GRIN2B: variants seen among roughly 807,000 people sequenced by gnomAD.
The protein encoded by GRIN2B is glutamate ionotropic receptor NMDA type subunit 2B.
GRIN2B carries 5 observed loss-of-function variants against 114.5 expected under a neutral mutation model. The ratio of observed to expected loss-of-function variants is 0.04; its 90% confidence interval spans 0.02 to 0.09. GRIN2B has a LOEUF of 0.09. Among genes scored for constraint, GRIN2B ranks in the 10% least tolerant of loss-of-function variants. The pLI is 1.00. For missense variants in GRIN2B, 1,108 were observed against 1,943.5 expected, an observed-to-expected ratio of 0.57 and a Z score of 8.08; for synonymous variants, 787 against 745.1, an observed-to-expected ratio of 1.06 and a Z score of -0.92.
In GRIN2B at chr12:13,559,213, C is replaced by G. The variant is rs1264040317; in HGVS notation, c.*3570G>C. The G allele has an allele frequency of 6.6e-6, 1 of 152,174 alleles. No homozygotes were observed. Among genetic ancestry groups the G allele is most frequent in the African/African-American group, 2.4e-5 (1 of 41,442 alleles). 9.4% of individuals were successfully genotyped at this position (152,174 alleles called of 1,614,324 possible). The stretch of plus-strand genomic sequence containing the variant: ...CTTTCTTTAAGTTTTCTTAAGCAGA[C>G]CATGAGTAACTTAGTCCCAGTGCAA... On this transcript the variant is annotated 3_prime_UTR_variant, in exon 14 of 14. Coordinates refer to ENST00000609686, the MANE Select transcript of GRIN2B (RefSeq NM_000834.5).
intron 3 of GRIN2B, among the ~76,000 whole-genome samples, chr12:13,813,398 G>A (rs1038607121): frequency 6.6e-6 from 1 of 152,178 alleles, no homozygotes; most frequent in African/African-American, 2.4e-5. Flanking sequence ...ATGTGAATAT[G>A]TTGTAAATTC....
intron 3 of GRIN2B, among the ~76,000 whole-genome samples, chr12:13,798,196 A>G (rs1434941630): frequency 6.6e-6 from 1 of 152,220 alleles, no homozygotes; most frequent in Non-Finnish European, 1.5e-5. Context: ...TCTCTACTAA[A>G]ATACTAAAAT....
At chr12:13,887,993 G>C (rs969305555) in intron 2 of GRIN2B, among the ~76,000 whole-genome samples, 1 of 152,174 alleles carries the variant, frequency 6.6e-6, no homozygotes, top group Non-Finnish European at 1.5e-5. Flanking sequence ...CTACAAGCCT[G>C]TTGGCTCCTC....
intron 4 of GRIN2B, among the ~76,000 whole-genome samples, chr12:13,688,954 C>G (rs895276617): frequency 4.6e-5 from 7 of 152,202 alleles, no homozygotes; most frequent in African/African-American, 7.2e-5. Context: ...TTTGAAATTG[C>G]TTTCTGTCTA....
intron 4 of GRIN2B, among the ~76,000 whole-genome samples, chr12:13,717,681 A>G (rs2136588662): frequency 6.6e-6 from 1 of 152,084 alleles, no homozygotes; most frequent in Admixed American, 6.6e-5. Context: ...AGGATTACCT[A>G]TCCCTTCCCC....
At chr12:13,967,788 C>T (rs1469499775) in intron 2 of GRIN2B, among the ~76,000 whole-genome samples, 1 of 152,086 alleles carries the variant, frequency 6.6e-6, no homozygotes, top group Non-Finnish European at 1.5e-5. Flanking sequence ...ACAGGAAGAC[C>T]TGGAGCTGAG....
intron 2 of GRIN2B, among the ~76,000 whole-genome samples, chr12:13,958,858 T>C (rs1202286198): frequency 6.6e-6 from 1 of 152,120 alleles, no homozygotes; most frequent in African/African-American, 2.4e-5. Context: ...AAGTCCCGCC[T>C]TGGCTTTGAG....
In GRIN2B at chr12:13,562,838, C is replaced by G. The variant is rs200127692; in HGVS notation, c.4400G>C (p.Gly1467Ala). Residue 1467 changes from glycine (G) to alanine (A), a missense_variant, in exon 14 of 14, where the codon GGC (glycine) becomes GCC (alanine). This residue lies in a region of GRIN2B where 478 missense variants were observed against 506.0 expected (regional missense o/e 0.94). Coordinates refer to ENST00000609686, the MANE Select transcript of GRIN2B (RefSeq NM_000834.5). ...CTCATAAACATGCCCATTGCTGGAG[C>G]CATTGAAAGCCCTGGGGTTTTTGTT... is the stretch of plus-strand genomic sequence containing the variant. ...PNNKNPRAFNGSSNGHVYEKL... is the reference protein window; with the variant it reads ...PNNKNPRAFNASSNGHVYEKL... 3.7e-6 allele frequency: 6 copies of G among 1,614,020 alleles called. No homozygotes were observed. Among genetic ancestry groups the G allele is most frequent in the Non-Finnish European group, 5.1e-6 (6 of 1,179,978 alleles).
Position 13,672,724 on chromosome 12 carries a change from CTATTA to C in GRIN2B, c.1125+3016_1125+3020del, listed in dbSNP as rs1950034632. ...TGAGTCGATATGAAAATGTTCTATT[CTATTA>C]TCTCAACCCCTCCCAAATGCCCTAC... On this transcript the variant is annotated intron_variant, in intron 5 of 13. Coordinates refer to ENST00000609686, the MANE Select transcript of GRIN2B (RefSeq NM_000834.5). 2.0e-5 allele frequency among the ~76,000 whole-genome samples: 3 copies of C among 152,112 alleles called. No individual in the cohort carries two copies. The South Asian group carries it at 6.2e-4, about 32-fold the overall frequency.
chr12:13,719,567 G>GA (rs1337620672), intron 4 of GRIN2B, among the ~76,000 whole-genome samples: 1 of 152,030 alleles, frequency 6.6e-6, no homozygotes, highest in East Asian at 1.9e-4. Flanking sequence ...CTGAATAGGA[G>GA]ACCATCACAG....
At position 13,552,042 on chromosome 12, in the gene GRIN2B, C is replaced by T. The variant is rs1345153633; in HGVS notation, c.*10741G>A. The T allele has an allele frequency of 6.6e-6, 1 of 152,148 alleles. No individual in the cohort carries two copies. Among genetic ancestry groups the T allele is most frequent in the Admixed American group, 6.5e-5 (1 of 15,282 alleles). The allele number at this position is 152,148 out of a possible 1,614,324, so 9.4% of individuals were successfully genotyped here. On this transcript the variant is annotated 3_prime_UTR_variant, in exon 14 of 14. Transcript: ENST00000609686. ...AGGAGCAGGCAGCTCAACAAATTCG[C>T]ATTCCTGTGGCCCCTTCCCCTGATG...
chr12:13,736,593 C>T (rs1448813921), intron 4 of GRIN2B, among the ~76,000 whole-genome samples: 2 of 152,046 alleles, frequency 1.3e-5, no homozygotes, highest in African/African-American at 2.4e-5. Context: ...CGTCTATTTA[C>T]TTTCAAATAA....
chr12:13,871,900 A>C (rs1299790585), intron 2 of GRIN2B, among the ~76,000 whole-genome samples: 1 of 152,130 alleles, frequency 6.6e-6, no homozygotes, highest in African/African-American at 2.4e-5. Flanking sequence ...TAAGTTTTAG[A>C]AATTTTAGAA....
At chr12:13,899,706 A>G (rs1866411356) in intron 2 of GRIN2B, among the ~76,000 whole-genome samples, 1 of 144,378 alleles carries the variant, frequency 6.9e-6, no homozygotes, top group African/African-American at 2.4e-5. Flanking sequence ...AGCATACACA[A>G]AGAAGAGCAT....
chr12:13,910,495 A>G lies in GRIN2B; in HGVS notation c.-18-44269T>C, dbSNP rs559584977. ...AAAGAAGGTGCAGCCCCTCCTGTCC[A>G]TAGCTAATCCTTTGACGCAAGTCCT... On this transcript the variant is annotated intron_variant, in intron 2 of 13. Transcript: ENST00000609686. 8.0e-4 allele frequency among the ~76,000 whole-genome samples: 122 copies of G among 152,302 alleles called. 1 individual carries two copies. The highest frequency in any genetic ancestry group is 3.4e-3 in the Middle Eastern group (1 of 294).
chr12:13,828,793 A>C (rs2160733), intron 3 of GRIN2B, among the ~76,000 whole-genome samples: 23,962 of 152,156 alleles, frequency 0.16, 2,422 homozygotes, highest in Non-Finnish European at 0.22. Context: ...TGGAAGTGAA[A>C]GTATCACAAT....
chr12:13,904,795 G>A (rs996587990), intron 2 of GRIN2B, among the ~76,000 whole-genome samples: 2 of 151,924 alleles, frequency 1.3e-5, no homozygotes, highest in Non-Finnish European at 2.9e-5. Context: ...TGTTGTTCTT[G>A]AGAAGTCAGG....
At chr12:13,920,913 A>G (rs1866811615) in intron 2 of GRIN2B, among the ~76,000 whole-genome samples, 1 of 152,128 alleles carries the variant, frequency 6.6e-6, no homozygotes, top group Non-Finnish European at 1.5e-5. Context: ...CCTGACTAAT[A>G]CATTAGTCTG....
intron 9 of GRIN2B, among the ~76,000 whole-genome samples, chr12:13,609,185 C>CT (rs1490163175): frequency 6.6e-6 from 1 of 152,156 alleles, no homozygotes; most frequent in Non-Finnish European, 1.5e-5. Context: ...AACTATGTCA[C>CT]TATGGTCACA....
Sources: allele counts gnomAD v4.1 joint callset (sites outside exome capture counted in the v4.1 genomes callset), GRCh38; gene constraint gnomAD v4.1.1; regional missense constraint gnomAD v4.1.1; transcripts MANE v1.5; gene names NCBI Gene and HGNC (gene_info 2026-07-23, HGNC 2026-07-21).